KCNMA1: variants seen among roughly 807,000 people sequenced by gnomAD.
KCNMA1 encodes the protein Calcium-activated potassium channel subunit alpha-1.
In KCNMA1, 29 loss-of-function variants were observed where a neutral mutation model predicts 140.0. The ratio of observed to expected loss-of-function variants is 0.21; its 90% CI spans 0.15 to 0.28. KCNMA1 has a LOEUF of 0.28. Ranked by LOEUF, KCNMA1 falls within the 10% of genes least tolerant of loss-of-function variation. The pLI, the probability that KCNMA1 is intolerant of heterozygous loss-of-function variation, is 1.00. For synonymous variants in KCNMA1, 612 were observed against 611.9 expected, an observed-to-expected ratio of 1.00 and a Z score of 0.00; for missense variants, 880 against 1,602.2, an observed-to-expected ratio of 0.55 and a Z score of 7.70.
At chr10:77,324,967 CTCTCTG>C (rs1363753280) in intron 2 of KCNMA1, among the ~76,000 whole-genome samples, 14 of 97,362 alleles carry the variant, frequency 1.4e-4, no homozygotes, top group African/African-American at 6.1e-4. Flanking sequence ...CTCTCTCTCT[CTCTCTG>C]TGTGTGTGTG....
At chr10:77,271,112 A>G (rs1227629130) in intron 2 of KCNMA1, among the ~76,000 whole-genome samples, 1 of 152,224 alleles carries the variant, frequency 6.6e-6, no homozygotes, top group Non-Finnish European at 1.5e-5. Flanking sequence ...TAGTCCTACC[A>G]AAACAACAAA....
intron 2 of KCNMA1, among the ~76,000 whole-genome samples, chr10:77,277,484 G>T (rs1354085436): frequency 6.6e-6 from 1 of 152,146 alleles, no homozygotes; most frequent in African/African-American, 2.4e-5. Flanking sequence ...CCAACACCCA[G>T]TCCACATGCC....
chr10:77,438,210 C>T (rs1257913381), intron 1 of KCNMA1, among the ~76,000 whole-genome samples: 3 of 151,996 alleles, frequency 2.0e-5, no homozygotes, highest in Non-Finnish European at 2.9e-5. Flanking sequence ...AAGCATGGGC[C>T]GCCACACCAG....
At chr10:76,930,946 T>C (rs2059121841) in intron 23 of KCNMA1, among the ~76,000 whole-genome samples, 1 of 152,090 alleles carries the variant, frequency 6.6e-6, no homozygotes. Context: ...GTTGAACTCA[T>C]AGAAGCAGAA....
chr10:77,186,518 G>T (rs1389256733), intron 3 of KCNMA1, among the ~76,000 whole-genome samples: 1 of 152,078 alleles, frequency 6.6e-6, no homozygotes, highest in African/African-American at 2.4e-5. Context: ...CTCTAGGCCT[G>T]CTCTCCTACA....
chr10:76,989,497 T>C (rs2082172709), intron 19 of KCNMA1, among the ~76,000 whole-genome samples: 1 of 152,184 alleles, frequency 6.6e-6, no homozygotes, highest in Admixed American at 6.5e-5. Context: ...AATCAGAGTC[T>C]CAGAGTTTAA....
At chr10:77,205,414 A>G (rs1339581018) in intron 3 of KCNMA1, among the ~76,000 whole-genome samples, 1 of 152,184 alleles carries the variant, frequency 6.6e-6, no homozygotes, top group Non-Finnish European at 1.5e-5. Context: ...TCAAGCAACA[A>G]TGGAAAAAGA....
intron 1 of KCNMA1, among the ~76,000 whole-genome samples, chr10:77,447,221 G>A (rs1381211295): frequency 6.6e-6 from 1 of 152,226 alleles, no homozygotes; most frequent in African/African-American, 2.4e-5. Flanking sequence ...ATCTCTGTTG[G>A]ATAAATCCAC....
intron 1 of KCNMA1, among the ~76,000 whole-genome samples, chr10:77,623,379 A>G (rs2091872888): frequency 6.6e-6 from 1 of 152,144 alleles, no homozygotes; most frequent in African/African-American, 2.4e-5. Flanking sequence ...CTATTGTCTA[A>G]ATTTTTAGTT....
intron 2 of KCNMA1, among the ~76,000 whole-genome samples, chr10:77,299,420 C>T (rs2076031700): frequency 6.6e-6 from 1 of 152,208 alleles, no homozygotes; most frequent in Non-Finnish European, 1.5e-5. Context: ...CCTAGGCCAG[C>T]ATCTGGATTT....
intron 5 of KCNMA1, among the ~76,000 whole-genome samples, chr10:77,164,497 A>G: frequency 6.7e-6 from 1 of 148,964 alleles, no homozygotes; most frequent in East Asian, 2.0e-4. Flanking sequence ...TTTGTCCCCC[A>G]CCCTCCTACA....
chr10:77,536,895 A>T (rs2059020810), intron 1 of KCNMA1, among the ~76,000 whole-genome samples: 1 of 152,214 alleles, frequency 6.6e-6, no homozygotes, highest in Admixed American at 6.5e-5. Flanking sequence ...ACCACAGCCA[A>T]TGACTGGGAA....
Position 76,941,146 on chromosome 10 carries a change from AAGGGAAGGG to A in KCNMA1, c.2902+3618_2902+3626del, listed in dbSNP as rs1200545188. On this transcript the variant is annotated intron_variant, in intron 23 of 27. Transcript: ENST00000286628. ...AAGGGAAGGGAAGGGAAGGGAAGGG[AAGGGAAGGG>A]AGGGAAGGGAAGGAAGGAAGGAAGG... Among the ~76,000 whole-genome samples the A allele has an allele frequency of 3.7e-3, 263 of 71,200 alleles. 2 individuals are homozygous for A. Among genetic ancestry groups the A allele is most frequent in the African/African-American group, 0.011 (251 of 21,912 alleles). 46.7% of individuals were successfully genotyped at this position (71,200 alleles called of 152,430 possible).
At chr10:77,150,396 A>T (rs977765016) in intron 5 of KCNMA1, among the ~76,000 whole-genome samples, 5 of 152,238 alleles carry the variant, frequency 3.3e-5, no homozygotes, top group African/African-American at 1.2e-4. Flanking sequence ...CAGGAAATTT[A>T]TGTGAGCAAA....
chr10:77,378,282 C>CT (rs1183121572), intron 2 of KCNMA1, among the ~76,000 whole-genome samples: 2 of 152,170 alleles, frequency 1.3e-5, no homozygotes, highest in African/African-American at 4.8e-5. Context: ...TATGTATTGG[C>CT]TTTTTCTGCC....
chr10:77,192,878 C>G (rs1288388223), intron 3 of KCNMA1, among the ~76,000 whole-genome samples: 1 of 152,028 alleles, frequency 6.6e-6, no homozygotes, highest in African/African-American at 2.4e-5. Context: ...TCACAAATGC[C>G]TAGTATAATT....
At chr10:77,287,014 C>T (rs2071228105) in intron 2 of KCNMA1, among the ~76,000 whole-genome samples, 1 of 152,182 alleles carries the variant, frequency 6.6e-6, no homozygotes, top group South Asian at 2.1e-4. Context: ...GGCCTTCATC[C>T]AATACAAATG....
At chr10:77,248,476 A>G (rs1241898041) in intron 3 of KCNMA1, among the ~76,000 whole-genome samples, 2 of 152,144 alleles carry the variant, frequency 1.3e-5, no homozygotes, top group Non-Finnish European at 2.9e-5. Context: ...CATTTATTTG[A>G]AGGGTGTAAA....
intron 23 of KCNMA1, among the ~76,000 whole-genome samples, chr10:76,944,384 T>A (rs1446236458): frequency 6.6e-6 from 1 of 152,182 alleles, no homozygotes; most frequent in Non-Finnish European, 1.5e-5. Flanking sequence ...CAAAGCTTCA[T>A]TCCCATCCCA....
Sources: allele counts gnomAD v4.1 joint callset (sites outside exome capture counted in the v4.1 genomes callset), GRCh38; gene constraint gnomAD v4.1.1; transcripts MANE v1.5; gene names NCBI Gene and HGNC (gene_info 2026-07-23, HGNC 2026-07-21).